Variants in SNRNP70 observed in about 807,000 individuals in gnomAD.
SNRNP70 encodes the protein U1 small nuclear ribonucleoprotein 70 kDa.
Under a neutral mutation model 50.5 loss-of-function variants are expected in SNRNP70, and 8 were observed. The ratio of observed to expected loss-of-function variants is 0.16; its 90% CI spans 0.09 to 0.29. The LOEUF (loss-of-function observed/expected upper bound fraction) is 0.29. Ranked by LOEUF, SNRNP70 falls within the 10% of genes least tolerant of loss-of-function variation. The pLI is 1.00. For synonymous variants in SNRNP70, 320 were observed against 252.9 expected, an observed-to-expected ratio of 1.27 and a Z score of -2.52; for missense variants, 529 against 663.5, an observed-to-expected ratio of 0.80 and a Z score of 2.23.
In SNRNP70 at chr19:49,107,818, A is replaced by G. The variant is rs748791504; in HGVS notation, c.689A>G (p.His230Arg). The change falls in exon 10 of 10, where the codon CAC becomes CGC. Residue 230 changes from histidine (H) to arginine (R), a missense_variant. Transcript: ENST00000598441. The surrounding 1 kb of genome is among the most constrained non-coding windows in gnomAD (Gnocchi z 6.0). The stretch of plus-strand genomic sequence containing the variant: ...AGGCCCGGCCCCTCCCCGCTTCCGC[A>G]CAGGGACCGGGACCGGGACCGTGAG... ...DERPGPSPLP[H>R]RDRDRDRERE... The G allele has an allele frequency of 6.3e-7, 1 of 1,597,730 alleles. No individual in the cohort carries two copies. The highest frequency in any genetic ancestry group is 1.7e-5 in the Admixed American group (1 of 57,568).
intron 2 of SNRNP70, among the ~76,000 whole-genome samples, chr19:49,089,724 G>A (rs991858483): frequency 1.4e-5 from 2 of 141,880 alleles, no homozygotes; most frequent in Non-Finnish European, 3.0e-5. Context: ...GTGCAGTGGT[G>A]CGATCTCGGC....
Position 49,099,738 on chromosome 19 carries a change from T to TA in SNRNP70, c.393+1048dup, listed in dbSNP as rs71179087. ...TGGGCAACAGAGTGGGACTCCATCT[T>TA]AAAAAAAAAAAAAAGTATTGTAGGC... is the stretch of plus-strand genomic sequence containing the variant. On this transcript the variant is annotated intron_variant, in intron 6 of 9. Coordinates refer to ENST00000598441, the MANE Select transcript of SNRNP70 (RefSeq NM_003089.6). Among the ~76,000 whole-genome samples the TA allele has an allele frequency of 7.9e-4, 110 of 138,732 alleles. 3 individuals carry two copies. Among genetic ancestry groups the TA allele is most frequent in the Admixed American group, 1.0e-3 (14 of 13,920 alleles). 91.0% of individuals were successfully genotyped at this position (138,732 alleles called of 152,430 possible). A position where few individuals can be genotyped will look rare whatever the true frequency, so the allele number is the denominator to read the frequency against.
At chr19:49,086,288 C>G (rs1244654500) in intron 1 of SNRNP70, 117 bp from the exon 2 acceptor site, 1 of 1,182,376 alleles carries the variant, frequency 8.5e-7, no homozygotes, top group East Asian at 2.5e-5. Flanking sequence ...CCTTACAGAG[C>G]CTGTTTTAAT....
intron 4 of SNRNP70, among the ~76,000 whole-genome samples, chr19:49,095,558 A>C (rs2040502575): frequency 7.2e-6 from 1 of 137,954 alleles, no homozygotes; most frequent in Admixed American, 7.6e-5. Context: ...TTTTTTGGAG[A>C]CAGTCTCACT....
At chr19:49,106,653 A>G (rs1045758202) in intron 8 of SNRNP70, among the ~76,000 whole-genome samples, 2 of 152,196 alleles carry the variant, frequency 1.3e-5, no homozygotes, top group Non-Finnish European at 2.9e-5. Flanking sequence ...GCGCTTGAGA[A>G]GGCAGGTTTT....
chr19:49,086,726 C>T (rs1226099965), intron 2 of SNRNP70, among the ~76,000 whole-genome samples, 165 bp downstream of exon 2: 1 of 151,862 alleles, frequency 6.6e-6, no homozygotes. Context: ...AGCCGGGTGT[C>T]GGGTGTGGTC....
intron 5 of SNRNP70, 68 bp downstream of exon 5, chr19:49,098,559 A>G (rs1166565447): frequency 1.9e-6 from 3 of 1,596,928 alleles, no homozygotes; most frequent in East Asian, 2.2e-5. Flanking sequence ...ACAAAGGTCA[A>G]ATAGGCTAGG....
intron 4 of SNRNP70, among the ~76,000 whole-genome samples, chr19:49,095,803 A>G (rs1425262859): frequency 6.6e-6 from 1 of 152,114 alleles, no homozygotes; most frequent in African/African-American, 2.4e-5. Flanking sequence ...CTGGCATTAC[A>G]GCTGTGAGCC....
rs186644162 is a variant in SNRNP70, at chr19:49,086,370, G to C, written c.-10-35G>C. The C allele has an allele frequency of 1.0e-5, 16 of 1,593,534 alleles. No individual in the cohort carries two copies. In the African/African-American group the frequency reaches 1.5e-4, roughly 15 times the overall value. ...ACAGGGGCTTTCTCTGTGCAGACCCGATCTAACCTAAGGCTGTCCTGCTTC... is the reference window on the plus strand; with the variant it reads ...ACAGGGGCTTTCTCTGTGCAGACCCCATCTAACCTAAGGCTGTCCTGCTTC... On this transcript the variant is annotated intron_variant, in intron 1 of 9. Transcript: ENST00000598441.
At position 49,091,056 on chromosome 19, in the gene SNRNP70, T is replaced by G. The variant is rs2040441185; in HGVS notation, c.265+536T>G. On this transcript the variant is annotated intron_variant, in intron 4 of 9. Transcript: ENST00000598441. The stretch of plus-strand genomic sequence containing the variant: ...GTTTCACTCAGCAGGGGACCGTGGA[T>G]GTGATGGTGATCCTATAAGATTATA... Among the ~76,000 whole-genome samples the G allele has an allele frequency of 2.0e-5, 3 of 152,048 alleles. No individual in the cohort carries two copies. In the South Asian group the frequency reaches 6.2e-4, roughly 32 times the overall value.
In SNRNP70 at chr19:49,107,998, G is replaced by A. The variant is rs1176946869; in HGVS notation, c.869G>A (p.Arg290Gln). The part of the protein sequence containing the change: ...RSKDKDRDRK[R>Q]RSSRSRERAR... ...AAGGACAAGGACCGGGACCGGAAGC[G>A]GCGAAGCAGCCGGAGTCGGGAGCGG... The change falls in exon 10 of 10, where the codon CGG becomes CAG. Residue 290 changes from arginine to glutamine, a missense_variant. Arg to Gln is a conservative substitution (Grantham distance 43). Around this residue, in one of 4 missense-constraint regions of SNRNP70, gnomAD observed 327 missense variants for 308.8 expected, o/e 1.06. Transcript: ENST00000598441. This position sits in a 1 kb window ranked among gnomAD's most constrained non-coding sequence, Gnocchi z 6.0. The A allele has an allele frequency of 1.9e-6, 3 of 1,547,934 alleles. No individual in the cohort carries two copies. Among genetic ancestry groups the A allele is most frequent in the South Asian group, 1.2e-5 (1 of 83,984 alleles).
At position 49,108,183 on chromosome 19, in the gene SNRNP70, C is replaced by T; in HGVS notation, c.1054C>T (p.Arg352Trp). ...AGAGGAAAAGGGCCGGGATCGTGAC[C>T]GGGAGCGACGGCGGAGCCACCGGAG... The part of the protein sequence containing the change: ...GPEEKGRDRD[R>W]ERRRSHRSER... Residue 352 changes from arginine (R) to tryptophan (W), a missense_variant, in exon 10 of 10, where the codon CGG (arginine) becomes TGG (tryptophan). By Grantham distance (101) the Arg-to-Trp change is moderately radical (BLOSUM62 -3). Transcript: ENST00000598441. The T allele has an allele frequency of 2.0e-6, 3 of 1,536,482 alleles. No individual in the cohort carries two copies. Among genetic ancestry groups the T allele is most frequent in the Non-Finnish European group, 2.6e-6 (3 of 1,140,542 alleles).
At chr19:49,096,814 C>T (rs561659553) in intron 4 of SNRNP70, among the ~76,000 whole-genome samples, 1 of 151,850 alleles carries the variant, frequency 6.6e-6, no homozygotes, top group East Asian at 2.0e-4. Flanking sequence ...TTAGTTTATA[C>T]TTGTAGTTAA....
At chr19:49,093,678 C>CAAAAAA (rs1270724114) in intron 4 of SNRNP70, among the ~76,000 whole-genome samples, 15 of 64,164 alleles carry the variant, frequency 2.3e-4, no homozygotes, top group Non-Finnish European at 3.4e-4. Flanking sequence ...GATTCCATCT[C>CAAAAAA]AAAAAAAAAA....
intron 2 of SNRNP70, among the ~76,000 whole-genome samples, chr19:49,088,498 C>CTTT (rs71179084): frequency 0.34 from 34,215 of 99,188 alleles, 6,546 homozygotes; most frequent in Non-Finnish European, 0.42. Context: ...CGCACCCGAC[C>CTTT]TTTTTTTTTT....
In SNRNP70 at chr19:49,085,495, G is replaced by C. The variant is rs1054068828; in HGVS notation, c.-152G>C. Reference sequence around the variant, plus strand: ...GCGGGTGGCTGAGCAGCGGCCTGGTGCGCTCGCTTAGCGGGCGACGGAATC... The same window carrying C: ...GCGGGTGGCTGAGCAGCGGCCTGGTCCGCTCGCTTAGCGGGCGACGGAATC... On this transcript the variant is annotated 5_prime_UTR_variant, in exon 1 of 10. Transcript: ENST00000598441. 1.5e-5 allele frequency: 7 copies of C among 453,408 alleles called. No homozygotes were observed. Among genetic ancestry groups the C allele is most frequent in the Middle Eastern group, 3.2e-4 (1 of 3,082 alleles). 28.1% of individuals were successfully genotyped at this position (453,408 alleles called of 1,614,324 possible).
chr19:49,086,239 G>C (rs915540025), intron 1 of SNRNP70, among the ~76,000 whole-genome samples, 166 bp from the exon 2 acceptor site: 5 of 152,062 alleles, frequency 3.3e-5, no homozygotes, highest in Non-Finnish European at 7.4e-5. Context: ...CCCCCACCAA[G>C]ACGTACCCTT....
At chr19:49,102,552 C>A in intron 7 of SNRNP70, 1 of 202,260 alleles carries the variant, frequency 4.9e-6, no homozygotes, top group African/African-American at 2.3e-5. Context: ...TCCCTGCCCC[C>A]GTGCTTTCTA....
intron 7 of SNRNP70, chr19:49,102,864 A>G (rs1217541629): frequency 6.6e-6 from 1 of 152,592 alleles, no homozygotes; most frequent in African/African-American, 2.4e-5. Context: ...GACGAACACA[A>G]TCACATGTTT....
Sources: gnomAD v4.1 joint callset for allele counts (sites outside exome capture counted in the v4.1 genomes callset) on GRCh38, gnomAD v4.1.1 for gene constraint, gnomAD v4.1.1 regional missense constraint, Gnocchi (gnomAD v3.1) non-coding constraint, MANE v1.5 for transcripts, NCBI Gene and HGNC (gene_info 2026-07-23, HGNC 2026-07-21) for gene names.